DIAPH3: variants seen among roughly 807,000 people sequenced by gnomAD.
The protein encoded by DIAPH3 is protein diaphanous homolog 3.
In DIAPH3, 117 loss-of-function variants were observed where a neutral mutation model predicts 144.3. The observed-to-expected ratio is 0.81, with a 90% confidence interval of 0.70 to 0.95. The LOEUF (loss-of-function observed/expected upper bound fraction) is 0.95. DIAPH3 is among the 40% of genes least tolerant of loss of function. The pLI, the probability that DIAPH3 is intolerant of heterozygous loss-of-function variation, is 0.00. For synonymous variants in DIAPH3, 519 were observed against 488.9 expected (o/e 1.06, Z -0.81); for missense variants, 1,421 against 1,412.7 (o/e 1.01, Z -0.09).
At chr13:59,681,298 C>T (rs2032932968) in intron 27 of DIAPH3, among the ~76,000 whole-genome samples, 1 of 152,068 alleles carries the variant, frequency 6.6e-6, no homozygotes, top group Non-Finnish European at 1.5e-5. Flanking sequence ...TAGTAAGACT[C>T]CGTCTCTACA....
chr13:59,836,370 G>A (rs953767009), intron 23 of DIAPH3, among the ~76,000 whole-genome samples: 2 of 151,758 alleles, frequency 1.3e-5, no homozygotes, highest in African/African-American at 4.8e-5. Flanking sequence ...GATATACATT[G>A]AATTTGGTTT....
intron 4 of DIAPH3, among the ~76,000 whole-genome samples, chr13:60,075,527 GA>G (rs1214398006): frequency 6.6e-6 from 1 of 152,156 alleles, no homozygotes; most frequent in Admixed American, 6.5e-5. Flanking sequence ...ATCATCTCAG[GA>G]TGATAGTGTA....
chr13:60,070,562 G>T (rs771582394), intron 4 of DIAPH3, among the ~76,000 whole-genome samples: 1 of 152,166 alleles, frequency 6.6e-6, no homozygotes, highest in Admixed American at 6.5e-5. Flanking sequence ...GCCAAGGGAA[G>T]AAGGGAGAAA....
In DIAPH3 at chr13:59,882,776, T is replaced by C. The variant is rs141161952; in HGVS notation, c.2368-3308A>G. On this transcript the variant is annotated intron_variant, in intron 20 of 27. Coordinates refer to ENST00000400324, the MANE Select transcript of DIAPH3 (RefSeq NM_001042517.2). ...TTACAGTTATCCTTTAAATCTATTG[T>C]TACAAAGTCTTGGCAATATAAATTC... Among the ~76,000 whole-genome samples, 566 of 152,338 alleles carry C rather than the reference T, an allele frequency of 3.7e-3. 4 individuals are homozygous for C. Among genetic ancestry groups the C allele is most frequent in the African/African-American group, 0.013 (550 of 41,578 alleles).
chr13:59,994,717 C>T (rs1215810598), intron 9 of DIAPH3, among the ~76,000 whole-genome samples: 2 of 151,788 alleles, frequency 1.3e-5, no homozygotes, highest in African/African-American at 4.8e-5. Context: ...TGTTCAAAGA[C>T]ATGGAACCTT....
intron 27 of DIAPH3, among the ~76,000 whole-genome samples, chr13:59,747,023 C>T (rs993199537): frequency 1.3e-5 from 2 of 152,054 alleles, no homozygotes; most frequent in Non-Finnish European, 2.9e-5. Context: ...TCATTTTTGA[C>T]TCGTTTTCTT....
chr13:59,788,280 A>T (rs1015483600), intron 25 of DIAPH3, among the ~76,000 whole-genome samples: 1 of 152,154 alleles, frequency 6.6e-6, no homozygotes, highest in African/African-American at 2.4e-5. Flanking sequence ...GAAAAATATA[A>T]AACTAATGCA....
chr13:59,969,539 C>T (rs995918114), intron 17 of DIAPH3, among the ~76,000 whole-genome samples: 12 of 152,124 alleles, frequency 7.9e-5, no homozygotes, highest in Admixed American at 7.9e-4. Flanking sequence ...TATCCCTCTC[C>T]TAGCTCCCCT....
intron 27 of DIAPH3, among the ~76,000 whole-genome samples, chr13:59,737,784 G>A (rs749715809): frequency 1.3e-4 from 20 of 152,118 alleles, no homozygotes; most frequent in Non-Finnish European, 2.6e-4. Flanking sequence ...TATAGTAGTT[G>A]CTCATTCTAC....
chr13:59,767,082 C>G (rs1944157960), intron 27 of DIAPH3, among the ~76,000 whole-genome samples: 1 of 152,132 alleles, frequency 6.6e-6, no homozygotes, highest in Non-Finnish European at 1.5e-5. Flanking sequence ...TTGTATGACC[C>G]AGATGAGCCC....
At chr13:60,123,090 T>C (rs1009266751) in intron 2 of DIAPH3, among the ~76,000 whole-genome samples, 1 of 152,130 alleles carries the variant, frequency 6.6e-6, no homozygotes, top group Non-Finnish European at 1.5e-5. Context: ...TACGAATCCA[T>C]TTCATTGGTA....
intron 9 of DIAPH3, among the ~76,000 whole-genome samples, chr13:60,001,632 T>G (rs1303456820): frequency 6.6e-6 from 1 of 152,210 alleles, no homozygotes; most frequent in Non-Finnish European, 1.5e-5. Flanking sequence ...AGGAGCACCA[T>G]GTACACCTTT....
intron 1 of DIAPH3, among the ~76,000 whole-genome samples, chr13:60,150,190 G>A (rs1351143961): frequency 1.3e-5 from 2 of 151,994 alleles, no homozygotes; most frequent in East Asian, 1.9e-4. Flanking sequence ...CCAGGCTAAC[G>A]TTTTTGTATT....
At chr13:60,066,568 C>T (rs2056974131) in intron 4 of DIAPH3, among the ~76,000 whole-genome samples, 1 of 152,226 alleles carries the variant, frequency 6.6e-6, no homozygotes, top group Admixed American at 6.5e-5. Context: ...ATCTAGACCA[C>T]CACTGAAGGA....
In DIAPH3 at chr13:59,968,377, T is replaced by C. The variant is rs909146200; in HGVS notation, c.2074+1567A>G. On this transcript the variant is annotated intron_variant, in intron 17 of 27. Coordinates refer to ENST00000400324, the MANE Select transcript of DIAPH3 (RefSeq NM_001042517.2). ...AGGAAAACTAATCAACTCCAGATTA[T>C]GAAATCTGAAATTCTGAAGTGTTTT... Among the ~76,000 whole-genome samples the C allele has an allele frequency of 2.6e-5, 4 of 152,218 alleles. No individual in the cohort carries two copies. The East Asian group carries it at 5.8e-4, about 22-fold the overall frequency.
chr13:60,050,336 C>T (rs2056277096), intron 4 of DIAPH3, among the ~76,000 whole-genome samples: 1 of 152,092 alleles, frequency 6.6e-6, no homozygotes, highest in Non-Finnish European at 1.5e-5. Context: ...ATGAACTTGG[C>T]ATATTTAGAG....
chr13:60,035,749 A>G (rs1416623674), intron 5 of DIAPH3, among the ~76,000 whole-genome samples: 1 of 152,204 alleles, frequency 6.6e-6, no homozygotes, highest in Non-Finnish European at 1.5e-5. Context: ...AAAGAACAAT[A>G]TTAATAACCT....
intron 27 of DIAPH3, among the ~76,000 whole-genome samples, chr13:59,731,354 G>A (rs966339952): frequency 1.3e-5 from 2 of 151,976 alleles, no homozygotes; most frequent in Non-Finnish European, 2.9e-5. Context: ...AAAAACTGTC[G>A]ATTTTATGTC....
chr13:60,061,844 G>T (rs1212445012), intron 4 of DIAPH3, among the ~76,000 whole-genome samples: 1 of 151,790 alleles, frequency 6.6e-6, no homozygotes, highest in Non-Finnish European at 1.5e-5. Flanking sequence ...ATTCTCTTTC[G>T]TAAGAGCCTT....
Sources: gnomAD v4.1 joint callset for allele counts (sites outside exome capture counted in the v4.1 genomes callset) on GRCh38, gnomAD v4.1.1 for gene constraint, MANE v1.5 for transcripts, NCBI Gene and HGNC (gene_info 2026-07-23, HGNC 2026-07-21) for gene names.